ARRDC1: variants seen among roughly 807,000 people sequenced by gnomAD.
The protein encoded by ARRDC1 is arrestin domain-containing protein 1.
A neutral mutation model predicts 40.1 loss-of-function variants in ARRDC1; 37 were observed. The observed-to-expected ratio is 0.92, with a 90% confidence interval of 0.71 to 1.21. The LOEUF is 1.21. ARRDC1 is among the 50% of genes most tolerant of loss of function. ARRDC1 has a pLI of 0.00. For missense variants in ARRDC1, 641 were observed against 581.9 expected (o/e 1.10, Z -1.04); for synonymous variants, 310 against 262.5 (o/e 1.18, Z -1.75).
chr9:137,610,319 G>A (rs1451364291), intron 1 of ARRDC1, among the ~76,000 whole-genome samples: 3 of 152,206 alleles, frequency 2.0e-5, no homozygotes, highest in Admixed American at 6.5e-5. Context: ...GATCACTTGA[G>A]GGTGCTTGGC....
At position 137,605,882 on chromosome 9, in the gene ARRDC1, G is replaced by T. The variant is rs765824517; in HGVS notation, c.118+47G>T. ...GGGCCTTTGGCCGCACCTGCGCGGG[G>T]CCAGGGCTCCCGGAAGCGGCTGCCG... is the stretch of plus-strand genomic sequence containing the variant. On this transcript the variant is annotated intron_variant, in intron 1 of 7. Coordinates refer to ENST00000371421, the MANE Select transcript of ARRDC1 (RefSeq NM_152285.4). The T allele has an allele frequency of 1.8e-5, 20 of 1,137,848 alleles. No homozygotes were observed. The East Asian group carries it at 5.5e-4, about 31-fold the overall frequency. The allele number at this position is 1,137,848 out of a possible 1,614,324, so 70.5% of individuals were successfully genotyped here. A position where few individuals can be genotyped will look rare whatever the true frequency, so the allele number is the denominator to read the frequency against.
At chr9:137,611,657 G>C (rs1196669209) in intron 1 of ARRDC1, 1 of 146,186 alleles carries the variant, frequency 6.8e-6, no homozygotes, top group African/African-American at 2.8e-5. Context: ...GACAGGCCCT[G>C]GCAGCGCCCG....
chr9:137,608,204 A>G (rs973823158), intron 1 of ARRDC1, among the ~76,000 whole-genome samples: 3 of 152,094 alleles, frequency 2.0e-5, no homozygotes, highest in African/African-American at 7.2e-5. Flanking sequence ...GAGGGTCTGG[A>G]TCTCCTGACC....
Position 137,613,617 on chromosome 9 carries a change from A to ACT in ARRDC1, c.284_285dup (p.Ala96LeufsTer17). 6.2e-7 allele frequency: 1 copy of ACT among 1,614,192 alleles called. No homozygotes were observed. Among genetic ancestry groups the ACT allele is most frequent in the Non-Finnish European group, 8.5e-7 (1 of 1,180,030 alleles). Reference sequence around the variant, plus strand: ...ACCAGTGCCTGCTCTCTCCCCAGCCACTGCACCCACGTCCTTTGAGGGTCC... The same window carrying ACT: ...ACCAGTGCCTGCTCTCTCCCCAGCCACTCTGCACCCACGTCCTTTGAGGGTCC... On this transcript the variant is annotated frameshift_variant, in exon 4 of 8. Transcript: ENST00000371421. LOFTEE classifies it high-confidence loss of function.
intron 1 of ARRDC1, 138 bp downstream of exon 1, chr9:137,605,973 G>T (rs1842415562): frequency 2.3e-6 from 1 of 442,454 alleles, no homozygotes; most frequent in Non-Finnish European, 3.6e-6. Flanking sequence ...TGGGAAGCGG[G>T]CTCGGCGGCG....
At chr9:137,612,476 G>A (rs1842547601) in intron 1 of ARRDC1, 1 of 217,274 alleles carries the variant, frequency 4.6e-6, no homozygotes, top group Non-Finnish European at 9.2e-6. Context: ...AGTGTGGACG[G>A]GTCCTTCCCT....
chr9:137,612,943 A>C lies in ARRDC1; in HGVS notation c.166A>C (p.Asn56His), dbSNP rs200822879. ...IGSCGVSNKANDTAWVVEEGY... is the reference protein window; with the variant it reads ...IGSCGVSNKAHDTAWVVEEGY... ...TTCCTGCGGGGTCTCCAACAAGGCT[A>C]ATGACACAGCGTGGGTAGTGGAGGA... The change falls in exon 2 of 8, where the codon AAT (asparagine) becomes CAT (histidine). Residue 56 changes from asparagine to histidine, a missense_variant. Coordinates refer to ENST00000371421, the MANE Select transcript of ARRDC1 (RefSeq NM_152285.4). 1.2e-6 allele frequency: 2 copies of C among 1,614,008 alleles called. No individual in the cohort carries two copies. The highest frequency in any genetic ancestry group is 2.7e-5 in the African/African-American group (2 of 74,924).
In ARRDC1 at chr9:137,614,287, G is replaced by T. The variant is rs1169903029; in HGVS notation, c.619-12G>T. 3 of 1,584,960 alleles carry T rather than the reference G, an allele frequency of 1.9e-6. No homozygotes were observed. The South Asian group carries it at 3.5e-5, about 18-fold the overall frequency. On this transcript the variant is annotated splice_polypyrimidine_tract_variant and intron_variant, in intron 5 of 7. Transcript: ENST00000371421. ...GCAGCCTGCGCAGGCTCACAGGCTG[G>T]TCCTTCCCCAGAAAGTGTCCTATAA...
Position 137,614,190 on chromosome 9 carries a change from C to T in ARRDC1, c.594C>T (p.Ser198=), listed in dbSNP as rs1311663761. The T allele has an allele frequency of 1.9e-6, 3 of 1,604,498 alleles. No individual in the cohort carries two copies. The Admixed American group carries it at 5.0e-5, about 27-fold the overall frequency. ...DVENQSGKDT[S]PVVASLLQKV... ...AGAACCAGTCAGGCAAGGACACCAGCCCTGTGGTGGCCAGTCTGCTGCAGG... is the reference window on the plus strand; with the variant it reads ...AGAACCAGTCAGGCAAGGACACCAGTCCTGTGGTGGCCAGTCTGCTGCAGG... The change falls in exon 5 of 8, where the codon AGC becomes AGT. Residue 198 remains serine, a synonymous_variant. Coordinates refer to ENST00000371421, the MANE Select transcript of ARRDC1 (RefSeq NM_152285.4).
Position 137,614,640 on chromosome 9 carries a change from C to T in ARRDC1, c.877C>T (p.Pro293Ser), listed in dbSNP as rs369219064. The stretch of plus-strand genomic sequence containing the variant: ...TGCTGTGAACCATGCCCCAGTGAGC[C>T]CCCGGCCAGGCCTGGGGCTGCCTCC... ...NIAVNHAPVS[P>S]RPGLGLPPGA... Residue 293 changes from proline (P) to serine (S), a missense_variant, in exon 7 of 8, where the codon CCC becomes TCC. Pro to Ser is a moderately conservative substitution (Grantham distance 74). Transcript: ENST00000371421. The T allele has an allele frequency of 1.2e-6, 2 of 1,612,980 alleles. No homozygotes were observed. The highest frequency in any genetic ancestry group is 8.5e-7 in the Non-Finnish European group (1 of 1,179,898).
chr9:137,613,745 C>A lies in ARRDC1; in HGVS notation c.411C>A (p.Asn137Lys), dbSNP rs563249234. 1 of 1,614,202 alleles carries A rather than the reference C, an allele frequency of 6.2e-7. No individual in the cohort carries two copies. Among genetic ancestry groups the A allele is most frequent in the South Asian group, 1.1e-5 (1 of 91,090 alleles). ...TGTTCTATATCTTGAGCCCCTTGAACCTGAACAGCATCCCAGACATTGAGG... is the reference window on the plus strand; with the variant it reads ...TGTTCTATATCTTGAGCCCCTTGAAACTGAACAGCATCCCAGACATTGAGG... ...SLVFYILSPL[N>K]LNSIPDIEQP... The change falls in exon 4 of 8, where the codon AAC becomes AAA. Residue 137 changes from asparagine to lysine, a missense_variant. Physicochemically the swap from Asn to Lys is moderately conservative, Grantham distance 94 (BLOSUM62 0). Transcript: ENST00000371421.
rs1279398796 is a variant in ARRDC1 at position 137,614,196 on chromosome 9, G to C, written c.600G>C (p.Val200=). 30 of 1,601,514 alleles carry C rather than the reference G, an allele frequency of 1.9e-5. No homozygotes were observed. Among genetic ancestry groups the C allele is most frequent in the Non-Finnish European group, 2.4e-5 (28 of 1,171,408 alleles). ...ENQSGKDTSP[V]VASLLQKVSY... is the part of the protein sequence containing the mutation. ...AGTCAGGCAAGGACACCAGCCCTGT[G>C]GTGGCCAGTCTGCTGCAGGTCAGAG... The change falls in exon 5 of 8, where the codon GTG becomes GTC. Residue 200 remains valine, a synonymous_variant. Transcript: ENST00000371421.
At position 137,614,878 on chromosome 9, in the gene ARRDC1, C is replaced by T. The variant is rs1036591737; in HGVS notation, c.1115C>T (p.Pro372Leu). The change falls in exon 7 of 8, where the codon CCT (proline) becomes CTT (leucine). Residue 372 changes from proline (P) to leucine (L), a missense_variant. Transcript: ENST00000371421. ...DGSPASHPLHPPLCISTGATV... is the reference protein window; with the variant it reads ...DGSPASHPLHLPLCISTGATV... ...AGCCCTGCCTCACACCCGCTGCACC[C>T]TCCCTTGTGCATTTCAACAGGTGCC... is the stretch of plus-strand genomic sequence containing the variant. 6.2e-7 allele frequency: 1 copy of T among 1,613,772 alleles called. No individual in the cohort carries two copies.
intron 5 of ARRDC1, 40 bp downstream of exon 5, chr9:137,614,254 G>A: frequency 2.5e-6 from 4 of 1,577,998 alleles, no homozygotes; most frequent in African/African-American, 2.7e-5. Flanking sequence ...GCCTCCTGGG[G>A]TGGGCTGGCA....
chr9:137,614,676 C>G lies in ARRDC1; in HGVS notation c.913C>G (p.Pro305Ala). 6.2e-7 allele frequency: 1 copy of G among 1,612,316 alleles called. No individual in the cohort carries two copies. The highest frequency in any genetic ancestry group is 8.5e-7 in the Non-Finnish European group (1 of 1,179,742). ...PGLGLPPGAP[P>A]LVVPSAPPQE... ...CCTGGGGCTGCCTCCTGGGGCCCCA[C>G]CCCTGGTGGTGCCTTCCGCACCACC... The change falls in exon 7 of 8, where the codon CCC becomes GCC. Residue 305 changes from proline to alanine, a missense_variant. Transcript: ENST00000371421.
At chr9:137,605,873 C>T in intron 1 of ARRDC1, 38 bp downstream of exon 1, 1 of 1,163,912 alleles carries the variant, frequency 8.6e-7, no homozygotes, top group South Asian at 3.8e-5. Context: ...TTGGCCGCAC[C>T]TGCGCGGGGC....
chr9:137,614,461 GACT>G lies in ARRDC1; in HGVS notation c.788_790del (p.Tyr263del), dbSNP rs1842618675. 3.7e-6 allele frequency: 6 copies of G among 1,613,328 alleles called. No individual in the cohort carries two copies. The highest frequency in any genetic ancestry group is 2.2e-5 in the East Asian group (1 of 44,862). ...GCCGGGCTGCAGCCTCATCCACATC[GACT>G]ACTACTTACAGGTTTGGTGCTGCTG... On this transcript the variant is annotated inframe_deletion, in exon 6 of 8. Transcript: ENST00000371421.
Position 137,613,539 on chromosome 9 carries a change from G to A in ARRDC1, c.280+29G>A, listed in dbSNP as rs190534300. 28 of 1,613,866 alleles carry A rather than the reference G, an allele frequency of 1.7e-5. No homozygotes were observed. In the African/African-American group the frequency reaches 2.4e-4, roughly 14 times the overall value. ...AGAGCCCAGCCTGGACAGGCCTGGT[G>A]ATGACCAACTGGTCCTGGGAGGTGG... On this transcript the variant is annotated intron_variant, in intron 3 of 7. Transcript: ENST00000371421.
chr9:137,613,072 G>C, intron 2 of ARRDC1, 66 bp downstream of exon 2: 1 of 1,197,348 alleles, frequency 8.4e-7, no homozygotes, highest in Non-Finnish European at 1.2e-6. Context: ...GGGCCTGTCT[G>C]TCCTGTCCTC....
Sources: allele counts gnomAD v4.1 joint callset (sites outside exome capture counted in the v4.1 genomes callset), GRCh38; gene constraint gnomAD v4.1.1; transcripts MANE v1.5; gene names NCBI Gene and HGNC (gene_info 2026-07-23, HGNC 2026-07-21).